Variants in KLF7 observed in about 807,000 individuals in gnomAD.
KLF7 encodes the protein KLF transcription factor 7.
KLF7 carries 2 observed loss-of-function variants against 27.3 expected under a neutral mutation model. The observed-to-expected ratio is 0.07, with a 90% CI of 0.03 to 0.23. KLF7 has a LOEUF of 0.23. KLF7 is among the 10% of genes least tolerant of loss of function. The pLI is 1.00. For synonymous variants in KLF7, 165 were observed against 162.4 expected, an observed-to-expected ratio of 1.02 and a Z score of -0.12; for missense variants, 221 against 394.1, an observed-to-expected ratio of 0.56 and a Z score of 3.72.
chr2:207,172,910 AG>A, the KLF7 span, among the ~76,000 whole-genome samples: 2 of 152,210 alleles, frequency 1.3e-5, no homozygotes, highest in Non-Finnish European at 2.9e-5. Flanking sequence ...CTATGAGAGC[AG>A]GAGAGAAGAT....
At chr2:207,162,308 C>G (rs1442901100) in intron 1 of KLF7, among the ~76,000 whole-genome samples, 2 of 152,168 alleles carry the variant, frequency 1.3e-5, no homozygotes, top group Non-Finnish European at 2.9e-5. Context: ...TCAGACAGCT[C>G]TTGGAAATTT....
chr2:207,095,052 T>TC (rs2076595695), intron 2 of KLF7, among the ~76,000 whole-genome samples: 1 of 140,830 alleles, frequency 7.1e-6, no homozygotes, highest in Admixed American at 7.0e-5. Context: ...TTTTTTTTTT[T>TC]TTTTCTGAGA....
chr2:207,172,594 T>C, the KLF7 span, among the ~76,000 whole-genome samples: 1 of 152,236 alleles, frequency 6.6e-6, no homozygotes, highest in Non-Finnish European at 1.5e-5. Flanking sequence ...ATTTCATATT[T>C]GACTTTTACA....
At chr2:207,128,307 T>C (rs1205659854) in intron 1 of KLF7, among the ~76,000 whole-genome samples, 1 of 152,122 alleles carries the variant, frequency 6.6e-6, no homozygotes, top group Admixed American at 6.5e-5. Context: ...CATACTGATA[T>C]AAATAAATGA....
At chr2:207,161,852 T>C (rs543849277) in intron 1 of KLF7, among the ~76,000 whole-genome samples, 11 of 152,320 alleles carry the variant, frequency 7.2e-5, no homozygotes, top group Non-Finnish European at 1.3e-4. Context: ...CTATGATTTA[T>C]TTATTTGTTT....
At chr2:207,127,369 G>C (rs2106001112) in intron 1 of KLF7, among the ~76,000 whole-genome samples, 1 of 152,314 alleles carries the variant, frequency 6.6e-6, no homozygotes, top group East Asian at 1.9e-4. Flanking sequence ...AGTTAAGGTA[G>C]AGGAGAAGAT....
chr2:207,140,969 G>A (rs931256269), intron 1 of KLF7, among the ~76,000 whole-genome samples: 23 of 152,114 alleles, frequency 1.5e-4, no homozygotes, highest in East Asian at 1.3e-3. Context: ...CAAAAGTCAG[G>A]ATGACTTCTG....
At chr2:207,084,130 G>A (rs2076335203) in intron 3 of KLF7, among the ~76,000 whole-genome samples, 2 of 152,142 alleles carry the variant, frequency 1.3e-5, no homozygotes, top group Non-Finnish European at 2.9e-5. Flanking sequence ...CTGAGGTTAG[G>A]CTGGTCAGGC....
chr2:207,126,044 T>G (rs1218240973), intron 1 of KLF7, among the ~76,000 whole-genome samples: 1 of 152,208 alleles, frequency 6.6e-6, no homozygotes, highest in Non-Finnish European at 1.5e-5. Context: ...TTGATTCTGT[T>G]TTACTTATTG....
chr2:207,102,768 C>T (rs995904494), intron 2 of KLF7, among the ~76,000 whole-genome samples: 1 of 152,146 alleles, frequency 6.6e-6, no homozygotes, highest in African/African-American at 2.4e-5. Flanking sequence ...TCATTCTCCC[C>T]TTATCCCTAG....
At chr2:207,119,650 C>T (rs1317736006) in intron 2 of KLF7, among the ~76,000 whole-genome samples, 1 of 152,126 alleles carries the variant, frequency 6.6e-6, no homozygotes, top group Non-Finnish European at 1.5e-5. Flanking sequence ...CATTTTTACA[C>T]TCATGCCAAC....
intron 2 of KLF7, among the ~76,000 whole-genome samples, chr2:207,119,985 C>T (rs1260967017): frequency 6.6e-6 from 1 of 152,158 alleles, no homozygotes; most frequent in Non-Finnish European, 1.5e-5. Context: ...TGAGCCACCG[C>T]ACCTGGCCCT....
chr2:207,130,560 A>G (rs573319555), intron 1 of KLF7, among the ~76,000 whole-genome samples: 53 of 152,350 alleles, frequency 3.5e-4, no homozygotes, highest in African/African-American at 1.3e-3. Context: ...TGGAAGAGCT[A>G]GAACTTTCTG....
At chr2:207,150,475 T>C (rs1011401445) in intron 1 of KLF7, among the ~76,000 whole-genome samples, 2 of 152,174 alleles carry the variant, frequency 1.3e-5, no homozygotes, top group Non-Finnish European at 2.9e-5. Flanking sequence ...CAAGAAGCGA[T>C]AGTTTAAGGC....
chr2:207,141,418 ATCAAAC>A (rs1354531717), intron 1 of KLF7, among the ~76,000 whole-genome samples: 1 of 152,180 alleles, frequency 6.6e-6, no homozygotes, highest in Admixed American at 6.5e-5. Flanking sequence ...TAGGTTAGGA[ATCAAAC>A]TCAAACACAT....
chr2:207,119,219 T>C (rs1253530742), intron 2 of KLF7, among the ~76,000 whole-genome samples: 1 of 152,238 alleles, frequency 6.6e-6, no homozygotes, highest in Non-Finnish European at 1.5e-5. Flanking sequence ...AAAGATCTAA[T>C]GACAGGCCAT....
At position 207,136,588 on chromosome 2, in the gene KLF7, C is replaced by T. The variant is rs565404233; in HGVS notation, c.103-12184G>A. ...ATTTTATTTGCTTTTTAGAACTTAC[C>T]AAGTCCTGGAAAGGTCTAAATTATT... On this transcript the variant is annotated intron_variant, in intron 1 of 3. Transcript: ENST00000309446. Among the ~76,000 whole-genome samples the T allele has an allele frequency of 2.6e-5, 4 of 152,272 alleles. No individual in the cohort carries two copies. In the East Asian group the frequency reaches 7.7e-4, roughly 29 times the overall value.
chr2:207,153,810 C>T (rs60818447), intron 1 of KLF7, among the ~76,000 whole-genome samples: 35,598 of 152,056 alleles, frequency 0.23, 5,080 homozygotes, highest in Middle Eastern at 0.32. Context: ...CCACCTCCTG[C>T]TAGCCAATGG....
At chr2:207,150,190 A>G (rs2078203606) in intron 1 of KLF7, among the ~76,000 whole-genome samples, 1 of 152,238 alleles carries the variant, frequency 6.6e-6, no homozygotes, top group Non-Finnish European at 1.5e-5. Flanking sequence ...ATGTATTTTA[A>G]AAACTAAAGA....
Sources: allele counts gnomAD v4.1 joint callset (sites outside exome capture counted in the v4.1 genomes callset), GRCh38; gene constraint gnomAD v4.1.1; transcripts MANE v1.5; gene names NCBI Gene and HGNC (gene_info 2026-07-23, HGNC 2026-07-21).